LRRC40: variants seen among roughly 807,000 people sequenced by gnomAD.
LRRC40 encodes the protein leucine rich repeat containing 40.
In LRRC40, 76 loss-of-function variants were observed where a neutral mutation model predicts 72.8. The observed-to-expected ratio is 1.04, with a 90% CI of 0.87 to 1.26. The LOEUF (loss-of-function observed/expected upper bound fraction) is 1.26. LRRC40 is among the 50% of genes most tolerant of loss of function. The pLI, the probability that LRRC40 is intolerant of heterozygous loss-of-function variation, is 0.00. For synonymous variants in LRRC40, 243 were observed against 254.2 expected, an observed-to-expected ratio of 0.96 and a Z score of 0.42; for missense variants, 684 against 698.9, an observed-to-expected ratio of 0.98 and a Z score of 0.24.
intron 2 of LRRC40, among the ~76,000 whole-genome samples, chr1:70,188,766 A>T (rs906277112): frequency 1.9e-4 from 29 of 152,208 alleles, no homozygotes; most frequent in African/African-American, 7.0e-4. Flanking sequence ...TTGAATATTG[A>T]TTCTGTCTGT....
intron 9 of LRRC40, among the ~76,000 whole-genome samples, chr1:70,165,704 C>T (rs1198233997): frequency 6.6e-6 from 1 of 151,984 alleles, no homozygotes; most frequent in African/African-American, 2.4e-5. Context: ...ATGAAGTGTC[C>T]CAACTTTTTC....
Position 70,178,922 on chromosome 1 carries a change from G to A in LRRC40, c.733C>T (p.Leu245=), listed in dbSNP as rs1668169793. The part of the protein sequence containing the change: ...IPPELAGMES[L]ELLYLRRNKL... ...TTCCTCCGCAAATAAAGCAATTCTA[G>A]TGATTCCATGCCAGCCAATTCAGGA... Residue 245 remains leucine, a synonymous_variant, in exon 6 of 15, where the codon CTA becomes TTA. Coordinates refer to ENST00000370952, the MANE Select transcript of LRRC40 (RefSeq NM_017768.5). The A allele has an allele frequency of 1.9e-6, 3 of 1,601,454 alleles. No homozygotes were observed. The highest frequency in any genetic ancestry group is 1.7e-6 in the Non-Finnish European group (2 of 1,171,316).
chr1:70,196,130 T>C (rs769551391), intron 1 of LRRC40, among the ~76,000 whole-genome samples: 6 of 151,684 alleles, frequency 4.0e-5, no homozygotes, highest in East Asian at 1.9e-4. Flanking sequence ...AAAAAGACTA[T>C]ACAAGAAAGC....
rs1205002757 is a variant in LRRC40, at chr1:70,178,899, C to A, written c.756G>T (p.Arg252Ser). Residue 252 changes from arginine (R) to serine (S), a missense_variant, in exon 6 of 15, where the codon AGG becomes AGT. By Grantham distance (110) the Arg-to-Ser change is moderately radical (BLOSUM62 -1). Transcript: ENST00000370952. ...MESLELLYLR[R>S]NKLRFLPEFP... ...ATTCTGGTAGAAAACGTAATTTATT[C>A]CTCCGCAAATAAAGCAATTCTAGTG... is the stretch of plus-strand genomic sequence containing the variant. The A allele has an allele frequency of 1.9e-6, 3 of 1,597,324 alleles. No homozygotes were observed. Among genetic ancestry groups the A allele is most frequent in the Admixed American group, 3.4e-5 (2 of 59,488 alleles).
At chr1:70,185,219 T>C (rs567671150) in intron 3 of LRRC40, among the ~76,000 whole-genome samples, 2 of 152,246 alleles carry the variant, frequency 1.3e-5, no homozygotes, top group Non-Finnish European at 2.9e-5. Flanking sequence ...TGCAATGTGA[T>C]AGGACATACT....
At chr1:70,190,685 A>G (rs1668478442) in intron 1 of LRRC40, among the ~76,000 whole-genome samples, 1 of 148,330 alleles carries the variant, frequency 6.7e-6, no homozygotes, top group Admixed American at 6.7e-5. Context: ...TCTAAAAAAA[A>G]AAAAAAAAAA....
chr1:70,157,869 T>G (rs1469964859), intron 10 of LRRC40, among the ~76,000 whole-genome samples: 1 of 151,928 alleles, frequency 6.6e-6, no homozygotes, highest in Non-Finnish European at 1.5e-5. Context: ...TTTGAGAAGC[T>G]GAGGCAGGAG....
intron 14 of LRRC40, among the ~76,000 whole-genome samples, chr1:70,147,513 T>C (rs1667337891): frequency 6.6e-6 from 1 of 152,180 alleles, no homozygotes; most frequent in Admixed American, 6.5e-5. Flanking sequence ...AACACACATA[T>C]AACAAAGTTA....
At chr1:70,197,064 A>C (rs1343298139) in intron 1 of LRRC40, among the ~76,000 whole-genome samples, 5 of 152,222 alleles carry the variant, frequency 3.3e-5, no homozygotes, top group Non-Finnish European at 7.3e-5. Flanking sequence ...TAAATGCCCT[A>C]CGTTGGCACT....
intron 1 of LRRC40, among the ~76,000 whole-genome samples, chr1:70,201,161 C>T (rs1243548060): frequency 1.3e-5 from 2 of 151,930 alleles, no homozygotes; most frequent in Non-Finnish European, 2.9e-5. Context: ...CAGCAAGACC[C>T]TGTCTCAAAA....
At chr1:70,164,247 G>A (rs915347908) in intron 9 of LRRC40, among the ~76,000 whole-genome samples, 9 of 151,832 alleles carry the variant, frequency 5.9e-5, no homozygotes, top group African/African-American at 1.5e-4. Flanking sequence ...AAAATTAGCC[G>A]GGCGTGGTTG....
chr1:70,147,051 C>T (rs1178773439), intron 14 of LRRC40: 2 of 151,996 alleles, frequency 1.3e-5, no homozygotes, highest in African/African-American at 4.8e-5. Context: ...ACAGTTGATC[C>T]TCATTATTCA....
At chr1:70,178,823 A>T in intron 6 of LRRC40, 28 bp downstream of exon 6, 1 of 1,393,706 alleles carries the variant, frequency 7.2e-7, no homozygotes, top group Non-Finnish European at 9.7e-7. Flanking sequence ...TGGAAAATAT[A>T]GTTATTTAAT....
chr1:70,154,343 T>C (rs1206092595), intron 11 of LRRC40, among the ~76,000 whole-genome samples: 1 of 152,186 alleles, frequency 6.6e-6, no homozygotes, highest in Non-Finnish European at 1.5e-5. Flanking sequence ...TGACATTATT[T>C]TGCAAAAGAA....
chr1:70,193,735 A>G (rs973768454), intron 1 of LRRC40, among the ~76,000 whole-genome samples: 3 of 152,094 alleles, frequency 2.0e-5, no homozygotes, highest in African/African-American at 4.8e-5. Flanking sequence ...GCAACTCTAT[A>G]TAAAAAGGAT....
chr1:70,152,631 A>G, intron 11 of LRRC40, 88 bp from the exon 12 acceptor site: 1 of 709,554 alleles, frequency 1.4e-6, no homozygotes, highest in Non-Finnish European at 2.5e-6. Flanking sequence ...GGAAATTCCT[A>G]TATTTAACTT....
chr1:70,178,112 A>C (rs954073554), intron 6 of LRRC40, among the ~76,000 whole-genome samples: 2 of 152,222 alleles, frequency 1.3e-5, no homozygotes, highest in African/African-American at 4.8e-5. Flanking sequence ...ACAGGAGACT[A>C]CTACTAGTTA....
At chr1:70,191,124 G>T (rs1437944642) in intron 1 of LRRC40, among the ~76,000 whole-genome samples, 1 of 139,902 alleles carries the variant, frequency 7.1e-6, no homozygotes, top group Admixed American at 7.2e-5. Flanking sequence ...TGTGACTCTT[G>T]AAAAAAAAAA....
intron 9 of LRRC40, among the ~76,000 whole-genome samples, chr1:70,162,418 G>C (rs1305729405): frequency 6.6e-6 from 1 of 152,134 alleles, no homozygotes; most frequent in African/African-American, 2.4e-5. Context: ...ATGGGAACTT[G>C]TTAGAAATGC....
Sources: gnomAD v4.1 joint callset for allele counts (sites outside exome capture counted in the v4.1 genomes callset) on GRCh38, gnomAD v4.1.1 for gene constraint, MANE v1.5 for transcripts, NCBI Gene and HGNC (gene_info 2026-07-23, HGNC 2026-07-21) for gene names.